The following FAXC variants were observed in gnomAD, a reference collection of about 807,000 sequenced individuals.
FAXC encodes the protein failed axon connections homolog.
FAXC carries 10 observed loss-of-function variants against 41.9 expected under a neutral mutation model. The ratio of observed to expected loss-of-function variants is 0.24; its 90% CI spans 0.15 to 0.41. The LOEUF (loss-of-function observed/expected upper bound fraction) is 0.41, where lower values mean the gene tolerates loss of function less well. Ranked by LOEUF, FAXC falls within the 10% of genes least tolerant of loss-of-function variation. The pLI is 1.00. For missense variants in FAXC, 399 were observed against 510.9 expected, an observed-to-expected ratio of 0.78 and a Z score of 2.11; for synonymous variants, 183 against 183.8, an observed-to-expected ratio of 1.00 and a Z score of 0.03.
At chr6:99,291,040 G>C (rs1175234241) in intron 5 of FAXC, among the ~76,000 whole-genome samples, 1 of 152,074 alleles carries the variant, frequency 6.6e-6, no homozygotes, top group Non-Finnish European at 1.5e-5. Context: ...TCGAACTCCT[G>C]ACTTTGTGAT....
chr6:99,332,780 C>T (rs1773075737), intron 3 of FAXC, among the ~76,000 whole-genome samples: 1 of 152,186 alleles, frequency 6.6e-6, no homozygotes, highest in South Asian at 2.1e-4. Flanking sequence ...TCCATTCCCT[C>T]CTCTGAGTCT....
chr6:99,292,996 A>G (rs1023225952), intron 4 of FAXC, among the ~76,000 whole-genome samples: 3 of 152,090 alleles, frequency 2.0e-5, no homozygotes. Flanking sequence ...TAGTAGAGAC[A>G]GGGTTTCGCC....
Position 99,279,037 on chromosome 6 carries a change from G to T in FAXC, c.*2127C>A, listed in dbSNP as rs1770729308. ...GGAAAAGGACAACCCATGCTTTGTG[G>T]AGACAGGTCTGCAGTCCACCTGTTC... On this transcript the variant is annotated 3_prime_UTR_variant, in exon 6 of 6. Coordinates refer to ENST00000389677, the MANE Select transcript of FAXC (RefSeq NM_032511.4). 1 of 152,076 alleles carries T rather than the reference G, an allele frequency of 6.6e-6. No homozygotes were observed. Among genetic ancestry groups the T allele is most frequent in the East Asian group, 1.9e-4 (1 of 5,192 alleles). The allele number at this position is 152,076 out of a possible 1,614,324, so 9.4% of individuals were successfully genotyped here.
At chr6:99,317,213 C>T (rs552198044) in intron 4 of FAXC, among the ~76,000 whole-genome samples, 1 of 152,156 alleles carries the variant, frequency 6.6e-6, no homozygotes, top group South Asian at 2.1e-4. Context: ...ATTCCATTTA[C>T]CACTTCGCTC....
chr6:99,346,679 C>T (rs763511503), intron 1 of FAXC, among the ~76,000 whole-genome samples: 7 of 152,028 alleles, frequency 4.6e-5, no homozygotes, highest in Non-Finnish European at 8.8e-5. Flanking sequence ...GGATTACAGG[C>T]GTAAGCTGCC....
rs376761252 is a variant in FAXC at position 99,319,366 on chromosome 6, T to C, written c.823+4078A>G. On this transcript the variant is annotated intron_variant, in intron 4 of 5. Transcript: ENST00000389677. ...GTGAGCCGAGATTGCACCACTGCAC[T>C]CTAGCCTGGGCGACAGAGCGAGACT... Among the ~76,000 whole-genome samples the C allele has an allele frequency of 8.0e-5, 11 of 138,114 alleles. No individual in the cohort carries two copies. The South Asian group carries it at 2.2e-3, about 28-fold the overall frequency. The allele number at this position is 138,114 out of a possible 152,430, so 90.6% of individuals were successfully genotyped here. A position where few individuals can be genotyped will look rare whatever the true frequency, so the allele number is the denominator to read the frequency against.
At chr6:99,341,976 T>A (rs563572304) in intron 2 of FAXC, among the ~76,000 whole-genome samples, 226 of 152,196 alleles carry the variant, frequency 1.5e-3, no homozygotes, top group Non-Finnish European at 2.8e-3. Context: ...AGTGAACTTT[T>A]AAAAAAAATA....
intron 2 of FAXC, chr6:99,334,554 C>T: frequency 1.1e-6 from 1 of 869,914 alleles, no homozygotes; most frequent in Non-Finnish European, 1.4e-6. Context: ...CTAGAAGCTG[C>T]TAATACATCT....
At chr6:99,334,240 G>C (rs1256106050) in intron 2 of FAXC, among the ~76,000 whole-genome samples, 2 of 152,134 alleles carry the variant, frequency 1.3e-5, no homozygotes, top group East Asian at 1.9e-4. Context: ...CTGGTGTCTT[G>C]ATATTTATCT....
rs1415978008 is a variant in FAXC, at chr6:99,276,243, C to T, written c.*4921G>A. ...AACCTTTTATTGAAAATACACTCAA[C>T]AATTGTTCTATGAATGAATGAATAA... On this transcript the variant is annotated 3_prime_UTR_variant, in exon 6 of 6. Coordinates refer to ENST00000389677, the MANE Select transcript of FAXC (RefSeq NM_032511.4). 6.6e-6 allele frequency: 1 copy of T among 151,638 alleles called. No homozygotes were observed. The highest frequency in any genetic ancestry group is 1.5e-5 in the Non-Finnish European group (1 of 67,978). The allele number at this position is 151,638 out of a possible 1,614,324, so 9.4% of individuals were successfully genotyped here.
chr6:99,281,542 T>G (rs1391552924), intron 5 of FAXC, 89 bp from the exon 6 acceptor site: 1 of 1,042,702 alleles, frequency 9.6e-7, no homozygotes, highest in Non-Finnish European at 1.4e-6. Flanking sequence ...ACTCCAATGT[T>G]GAAATCCTGA....
rs543996130 is a variant in FAXC at position 99,271,794 on chromosome 6, A to C, written c.*9370T>G. ...AGAATTTTGAATGTTACCTGATTGTAATTTGCTCTAAATGGTAAAAAGCTA... is the reference window on the plus strand; with the variant it reads ...AGAATTTTGAATGTTACCTGATTGTCATTTGCTCTAAATGGTAAAAAGCTA... On this transcript the variant is annotated 3_prime_UTR_variant, in exon 6 of 6. Coordinates refer to ENST00000389677, the MANE Select transcript of FAXC (RefSeq NM_032511.4). The C allele has an allele frequency of 6.6e-6, 1 of 152,308 alleles. No homozygotes were observed. Among genetic ancestry groups the C allele is most frequent in the African/African-American group, 2.4e-5 (1 of 41,568 alleles). The allele number at this position is 152,308 out of a possible 1,614,324, so 9.4% of individuals were successfully genotyped here.
At chr6:99,286,851 ATAAAT>A (rs1291373419) in intron 5 of FAXC, among the ~76,000 whole-genome samples, 1 of 152,236 alleles carries the variant, frequency 6.6e-6, no homozygotes, top group African/African-American at 2.4e-5. Flanking sequence ...AAATTTCAAA[ATAAAT>A]TATATTCAAC....
At chr6:99,315,254 AAAAAAAAAC>A (rs1458602346) in intron 4 of FAXC, among the ~76,000 whole-genome samples, 10 of 134,728 alleles carry the variant, frequency 7.4e-5, no homozygotes, top group African/African-American at 2.5e-4. Flanking sequence ...AAAAAAAAAA[AAAAAAAAAC>A]CAGTAAATGT....
intron 5 of FAXC, among the ~76,000 whole-genome samples, chr6:99,285,275 C>CA (rs532358744): frequency 2.1e-4 from 32 of 151,030 alleles, no homozygotes; most frequent in African/African-American, 5.8e-4. Context: ...CTTTTTTAAG[C>CA]AAAAAAAGAG....
At chr6:99,302,882 CA>C (rs967669389) in intron 4 of FAXC, among the ~76,000 whole-genome samples, 1,731 of 130,996 alleles carry the variant, frequency 0.013, 23 homozygotes, top group African/African-American at 0.04. Context: ...TACTTCTGTA[CA>C]AAAAAAAAAA....
At position 99,318,260 on chromosome 6, in the gene FAXC, A is replaced by AACACAC. The variant is rs71021723; in HGVS notation, c.823+5178_823+5183dup. Among the ~76,000 whole-genome samples the AACACAC allele has an allele frequency of 3.0e-3, 197 of 64,798 alleles. No homozygotes were observed. The Middle Eastern group carries it at 0.031, about 10-fold the overall frequency. 42.5% of individuals were successfully genotyped at this position (64,798 alleles called of 152,430 possible). A position where few individuals can be genotyped will look rare whatever the true frequency, so the allele number is the denominator to read the frequency against. Reference sequence around the variant, plus strand: ...GGCGACAGAGCAAGACTCCGTCTCAAACACACACACACACACACACACACA... The same window carrying AACACAC: ...GGCGACAGAGCAAGACTCCGTCTCAAACACACACACACACACACACACACACACACA... On this transcript the variant is annotated intron_variant, in intron 4 of 5. Coordinates refer to ENST00000389677, the MANE Select transcript of FAXC (RefSeq NM_032511.4).
intron 1 of FAXC, among the ~76,000 whole-genome samples, chr6:99,344,397 G>A (rs60325144): frequency 0.061 from 9,294 of 151,970 alleles, 366 homozygotes; most frequent in South Asian, 0.13. Flanking sequence ...TGGTTCCCTC[G>A]CATTGTTCCC....
intron 4 of FAXC, among the ~76,000 whole-genome samples, chr6:99,318,673 A>C (rs537010397): frequency 2.6e-5 from 4 of 152,214 alleles, no homozygotes; most frequent in Non-Finnish European, 5.9e-5. Context: ...AGCACTTCCT[A>C]TGGGTCAGGC....
Sources: gnomAD v4.1 joint callset for allele counts (sites outside exome capture counted in the v4.1 genomes callset) on GRCh38, gnomAD v4.1.1 for gene constraint, MANE v1.5 for transcripts, NCBI Gene and HGNC (gene_info 2026-07-23, HGNC 2026-07-21) for gene names.